Variants in DCLK1 observed in about 807,000 individuals in gnomAD.
DCLK1 encodes the protein serine/threonine-protein kinase DCLK1.
DCLK1 carries 16 observed loss-of-function variants against 86.2 expected under a neutral mutation model. The observed-to-expected ratio is 0.19, with a 90% confidence interval of 0.13 to 0.28. The LOEUF is 0.28. DCLK1 is among the 10% of genes least tolerant of loss of function. DCLK1 has a pLI of 1.00. For missense variants in DCLK1, 590 were observed against 940.2 expected, an observed-to-expected ratio of 0.63 and a Z score of 4.87; for synonymous variants, 369 against 370.5, an observed-to-expected ratio of 1.00 and a Z score of 0.05.
intron 16 of DCLK1, among the ~76,000 whole-genome samples, chr13:35,785,362 G>T (rs1402458100): frequency 2.0e-5 from 3 of 152,232 alleles, no homozygotes; most frequent in South Asian, 2.1e-4. Context: ...TTCTCCAGTG[G>T]CTTGCAGCAG....
intron 4 of DCLK1, among the ~76,000 whole-genome samples, chr13:35,890,709 C>T (rs757204699): frequency 3.9e-5 from 6 of 152,102 alleles, no homozygotes; most frequent in Admixed American, 6.6e-5. Context: ...CTTCTCCACG[C>T]TTTGACAACA....
intron 4 of DCLK1, among the ~76,000 whole-genome samples, chr13:35,900,905 A>ACC (rs1874314958): frequency 6.6e-6 from 1 of 152,190 alleles, no homozygotes; most frequent in South Asian, 2.1e-4. Flanking sequence ...CACTATTCTC[A>ACC]ATAAGAACAG....
intron 8 of DCLK1, 39 bp downstream of exon 8, chr13:35,835,994 G>A (rs772962157): frequency 7.0e-7 from 1 of 1,420,248 alleles, no homozygotes; most frequent in Admixed American, 1.9e-5. Context: ...AACGCCAAAT[G>A]TAACCTTTAA....
intron 4 of DCLK1, among the ~76,000 whole-genome samples, chr13:35,919,239 G>C (rs1875634847): frequency 6.6e-6 from 1 of 152,020 alleles, no homozygotes; most frequent in South Asian, 2.1e-4. Context: ...TTTTTTAAAA[G>C]TGCATTTTTT....
intron 4 of DCLK1, among the ~76,000 whole-genome samples, chr13:35,932,521 C>T (rs558074619): frequency 6.6e-6 from 1 of 152,288 alleles, no homozygotes; most frequent in South Asian, 2.1e-4. Context: ...TTTACAGTTC[C>T]ACATGGCTGG....
At position 36,011,455 on chromosome 13, in the gene DCLK1, T is replaced by A. The variant is rs1266387028; in HGVS notation, c.724-63998A>T. On this transcript the variant is annotated intron_variant, in intron 3 of 16. Coordinates refer to ENST00000360631, the MANE Select transcript of DCLK1 (RefSeq NM_001330071.2). ...TTGTTCTCGTTGGTTTCAAAGAACA[T>A]CTTTATTTCTGCCTTCATTTCGTTA... Among the ~76,000 whole-genome samples, 454 of 129,024 alleles carry A rather than the reference T, an allele frequency of 3.5e-3. 6 individuals carry two copies. The highest frequency in any genetic ancestry group is 0.013 in the African/African-American group (425 of 32,886). 84.6% of individuals were successfully genotyped at this position (129,024 alleles called of 152,430 possible).
At chr13:35,827,896 C>A in intron 9 of DCLK1, 142 bp from the exon 10 acceptor site, 1 of 1,062,830 alleles carries the variant, frequency 9.4e-7, no homozygotes, top group Non-Finnish European at 1.4e-6. Context: ...TTCTGATATT[C>A]AGATATAGCC....
intron 3 of DCLK1, among the ~76,000 whole-genome samples, chr13:36,045,376 A>ATT (rs1882869936): frequency 2.6e-5 from 3 of 116,124 alleles, no homozygotes; most frequent in South Asian, 5.6e-4. Flanking sequence ...ATATATATAT[A>ATT]TTTCAAGGTA....
intron 16 of DCLK1, among the ~76,000 whole-genome samples, chr13:35,784,552 A>G (rs2086585526): frequency 6.6e-6 from 1 of 152,178 alleles, no homozygotes; most frequent in African/African-American, 2.4e-5. Flanking sequence ...CTTGGGTACA[A>G]GGTACAACTG....
intron 3 of DCLK1, among the ~76,000 whole-genome samples, chr13:35,959,687 T>C (rs1443861002): frequency 2.0e-5 from 3 of 152,104 alleles, no homozygotes; most frequent in African/African-American, 7.2e-5. Flanking sequence ...CCAGCAGCCA[T>C]GGTTAACATG....
intron 16 of DCLK1, among the ~76,000 whole-genome samples, chr13:35,784,139 A>G (rs2086578476): frequency 6.6e-6 from 1 of 152,198 alleles, no homozygotes; most frequent in East Asian, 1.9e-4. Context: ...TTTACTTTTA[A>G]GTCAAAATGA....
rs570444651 is a variant in DCLK1 at position 35,954,219 on chromosome 13, T to A, written c.724-6762A>T. 5.7e-3 allele frequency among the ~76,000 whole-genome samples: 864 copies of A among 152,148 alleles called. 5 individuals are homozygous for A. Among genetic ancestry groups the A allele is most frequent in the Non-Finnish European group, 6.9e-3 (467 of 67,986 alleles). ...AAGGAATGCTTACACTGCTTTTTTT[T>A]TAAAAAAAAATCTAGTTACCTATGT... On this transcript the variant is annotated intron_variant, in intron 3 of 16. Transcript: ENST00000360631.
intron 4 of DCLK1, among the ~76,000 whole-genome samples, chr13:35,876,785 A>T (rs1360218987): frequency 6.6e-6 from 1 of 152,106 alleles, no homozygotes; most frequent in Non-Finnish European, 1.5e-5. Flanking sequence ...CTTTACTCTG[A>T]TGTTTCTTGG....
At chr13:35,867,800 T>G (rs943089576) in intron 5 of DCLK1, among the ~76,000 whole-genome samples, 8 of 149,576 alleles carry the variant, frequency 5.3e-5, no homozygotes, top group Non-Finnish European at 3.0e-5. Flanking sequence ...TTCTTTAACA[T>G]GTACGCAAGA....
intron 3 of DCLK1, among the ~76,000 whole-genome samples, chr13:36,071,869 A>G (rs1883986433): frequency 6.6e-6 from 1 of 152,152 alleles, no homozygotes; most frequent in African/African-American, 2.4e-5. Flanking sequence ...ACACAACAGA[A>G]CTCGAATTTT....
intron 3 of DCLK1, among the ~76,000 whole-genome samples, chr13:35,950,572 G>A (rs954369086): frequency 3.3e-5 from 5 of 152,136 alleles, no homozygotes; most frequent in Admixed American, 1.3e-4. Flanking sequence ...TAAAAGATTC[G>A]TTTTATGGAT....
At chr13:35,982,579 T>C (rs957339856) in intron 3 of DCLK1, among the ~76,000 whole-genome samples, 14 of 152,144 alleles carry the variant, frequency 9.2e-5, no homozygotes, top group African/African-American at 2.7e-4. Flanking sequence ...GAGATCACAA[T>C]GTGAACATTA....
chr13:35,915,755 AT>A (rs968076162), intron 4 of DCLK1, among the ~76,000 whole-genome samples: 24 of 152,126 alleles, frequency 1.6e-4, no homozygotes, highest in Middle Eastern at 3.4e-3. Context: ...CTGAATAATA[AT>A]TTTTTTTAAA....
At chr13:35,970,728 T>C (rs1420584348) in intron 3 of DCLK1, among the ~76,000 whole-genome samples, 1 of 152,224 alleles carries the variant, frequency 6.6e-6, no homozygotes. Context: ...TCCAGAACTA[T>C]GATACACAAA....
Sources: gnomAD v4.1 joint callset for allele counts (sites outside exome capture counted in the v4.1 genomes callset) on GRCh38, gnomAD v4.1.1 for gene constraint, MANE v1.5 for transcripts, NCBI Gene and HGNC (gene_info 2026-07-23, HGNC 2026-07-21) for gene names.